The following ZNF385D variants were observed in gnomAD, a reference collection of about 807,000 sequenced individuals.
ZNF385D encodes the protein zinc finger protein 659.
ZNF385D carries 15 observed loss-of-function variants against 35.8 expected under a neutral mutation model. The observed-to-expected ratio is 0.42, with a 90% CI of 0.28 to 0.64. The LOEUF is 0.64. ZNF385D is among the 30% of genes least tolerant of loss of function. ZNF385D has a pLI of 0.23. For synonymous variants in ZNF385D, 212 were observed against 186.8 expected (o/e 1.13, Z -1.10); for missense variants, 474 against 494.6 (o/e 0.96, Z 0.39).
intron 4 of ZNF385D, among the ~76,000 whole-genome samples, chr3:21,497,297 C>A (rs1477141245): frequency 6.6e-6 from 1 of 151,906 alleles, no homozygotes; most frequent in African/African-American, 2.4e-5. Flanking sequence ...ATCCCATTCA[C>A]AACAGTCAAG....
chr3:21,799,590 A>T (rs556413801), intron 3 of ZNF385D, among the ~76,000 whole-genome samples: 91 of 152,232 alleles, frequency 6.0e-4, no homozygotes, highest in African/African-American at 2.0e-3. Flanking sequence ...AGGCTATTCA[A>T]GTCTGTTGTT....
intron 3 of ZNF385D, 35 bp from the exon 4 acceptor site, chr3:21,511,058 G>A: frequency 6.2e-7 from 1 of 1,611,932 alleles, no homozygotes; most frequent in Non-Finnish European, 8.5e-7. Flanking sequence ...ATGCAATCAG[G>A]CTCATTTCTA....
At chr3:21,565,655 G>A (rs931691919) in intron 2 of ZNF385D, among the ~76,000 whole-genome samples, 7 of 152,114 alleles carry the variant, frequency 4.6e-5, no homozygotes, top group Admixed American at 6.6e-5. Flanking sequence ...CAGTCTGGGC[G>A]CATTAAATAG....
intron 2 of ZNF385D, among the ~76,000 whole-genome samples, chr3:22,253,890 T>C (rs1002829519): frequency 6.6e-6 from 1 of 151,956 alleles, no homozygotes; most frequent in African/African-American, 2.4e-5. Flanking sequence ...AAATAAAGTA[T>C]TCAATCTGTG....
chr3:21,520,687 T>C (rs1707850495), intron 3 of ZNF385D, among the ~76,000 whole-genome samples: 1 of 152,224 alleles, frequency 6.6e-6, no homozygotes, highest in Non-Finnish European at 1.5e-5. Flanking sequence ...TTGTTTTGCT[T>C]TTTAAACATT....
chr3:22,346,322 G>C (rs1385644358), intron 2 of ZNF385D, among the ~76,000 whole-genome samples: 1 of 152,020 alleles, frequency 6.6e-6, no homozygotes, highest in Non-Finnish European at 1.5e-5. Flanking sequence ...CGACATATCT[G>C]TTGGGGAAAA....
chr3:22,091,437 A>G (rs1457201390), intron 3 of ZNF385D, among the ~76,000 whole-genome samples: 1 of 152,152 alleles, frequency 6.6e-6, no homozygotes, highest in East Asian at 1.9e-4. Flanking sequence ...ATAATCATCA[A>G]GAACAAAGTG....
intron 5 of ZNF385D, among the ~76,000 whole-genome samples, chr3:21,426,319 G>A (rs1419866537): frequency 2.6e-5 from 4 of 152,054 alleles, no homozygotes; most frequent in Non-Finnish European, 5.9e-5. Flanking sequence ...AGAAGATGAG[G>A]GGTGGACTCG....
chr3:21,674,687 A>T (rs959293358), intron 1 of ZNF385D, among the ~76,000 whole-genome samples: 3 of 152,090 alleles, frequency 2.0e-5, no homozygotes, highest in African/African-American at 7.2e-5. Flanking sequence ...TTTCCTGGAC[A>T]TCTCTGTAGA....
At chr3:22,232,172 C>G (rs1263912785) in intron 2 of ZNF385D, among the ~76,000 whole-genome samples, 1 of 152,112 alleles carries the variant, frequency 6.6e-6, no homozygotes, top group Non-Finnish European at 1.5e-5. Flanking sequence ...CATATTGTAA[C>G]TATTGTGAAA....
intron 3 of ZNF385D, among the ~76,000 whole-genome samples, chr3:22,121,422 A>T (rs530997997): frequency 1.3e-5 from 2 of 152,344 alleles, no homozygotes; most frequent in Non-Finnish European, 2.9e-5. Context: ...GTCTTTGATT[A>T]AACTTTTAAA....
In ZNF385D at chr3:22,148,721, A is replaced by G. The variant is rs142707270; in HGVS notation, c.325+20096T>C. On this transcript the variant is annotated intron_variant, in intron 3 of 5. Coordinates refer to the ZNF385D transcript ENST00000494108. ...ATGGCTTATCAATTGGATCTGTCCTACCTTTTATAGGGTCCAGCAGTACTA... is the reference window on the plus strand; with the variant it reads ...ATGGCTTATCAATTGGATCTGTCCTGCCTTTTATAGGGTCCAGCAGTACTA... Among the ~76,000 whole-genome samples, 611 of 152,300 alleles carry G rather than the reference A, an allele frequency of 4.0e-3. 2 individuals carry two copies. Among genetic ancestry groups the G allele is most frequent in the Non-Finnish European group, 6.7e-3 (454 of 68,028 alleles).
intron 3 of ZNF385D, among the ~76,000 whole-genome samples, chr3:21,850,388 G>A (rs79542740): frequency 0.038 from 5,839 of 152,122 alleles, 389 homozygotes; most frequent in African/African-American, 0.13. Context: ...ACAGAAGATG[G>A]GATAGTGAAG....
At chr3:22,062,798 A>C (rs537574767) in intron 3 of ZNF385D, among the ~76,000 whole-genome samples, 1 of 152,336 alleles carries the variant, frequency 6.6e-6, no homozygotes, top group African/African-American at 2.4e-5. Context: ...GCTGCCATGC[A>C]GTGAGGACAT....
At chr3:21,961,488 T>C (rs1040320737) in intron 3 of ZNF385D, 10 of 152,210 alleles carry the variant, frequency 6.6e-5, no homozygotes, top group African/African-American at 2.4e-4. Context: ...TGAATTGTTC[T>C]ATTTGCAATG....
intron 3 of ZNF385D, among the ~76,000 whole-genome samples, chr3:22,082,255 T>A (rs1473528956): frequency 6.6e-6 from 1 of 152,016 alleles, no homozygotes; most frequent in Non-Finnish European, 1.5e-5. Flanking sequence ...GGGCATCGCC[T>A]CACCCAGTAA....
Position 21,414,831 on chromosome 3 carries a change from T to C in ZNF385D, c.*6383A>G, listed in dbSNP as rs1352463944. Reference sequence around the variant, plus strand: ...CATTTAAAAACCAGATGCCATAAAATGGAATTTTTCTTGACTATTTGATAA... The same window carrying C: ...CATTTAAAAACCAGATGCCATAAAACGGAATTTTTCTTGACTATTTGATAA... On this transcript the variant is annotated 3_prime_UTR_variant, in exon 8 of 8. Transcript: ENST00000281523. The C allele has an allele frequency of 2.0e-5, 3 of 152,116 alleles. No individual in the cohort carries two copies. The highest frequency in any genetic ancestry group is 2.0e-4 in the Admixed American group (3 of 15,266). 9.4% of individuals were successfully genotyped at this position (152,116 alleles called of 1,614,324 possible).
intron 3 of ZNF385D, among the ~76,000 whole-genome samples, chr3:21,987,016 G>T (rs1009080203): frequency 1.1e-5 from 1 of 93,544 alleles, no homozygotes; most frequent in African/African-American, 5.1e-5. Flanking sequence ...TTTTCCATTT[G>T]CTTGGTAGAT....
chr3:21,609,247 A>T (rs948412198), intron 2 of ZNF385D, among the ~76,000 whole-genome samples: 2 of 152,234 alleles, frequency 1.3e-5, no homozygotes, highest in Non-Finnish European at 2.9e-5. Flanking sequence ...ATTAACACAC[A>T]GCTCTCGCCA....
Sources: allele counts gnomAD v4.1 joint callset (sites outside exome capture counted in the v4.1 genomes callset), GRCh38; gene constraint gnomAD v4.1.1; transcripts MANE v1.5; gene names NCBI Gene and HGNC (gene_info 2026-07-23, HGNC 2026-07-21).